Variants in MGAM observed in about 807,000 individuals in gnomAD.
The protein encoded by MGAM is maltase-glucoamylase, also known as alpha-1,4-glucosidase.
Under a neutral mutation model 358.8 loss-of-function variants are expected in MGAM, and 253 were observed. The ratio of observed to expected loss-of-function variants is 0.71; its 90% CI spans 0.64 to 0.78. The LOEUF is 0.78. MGAM is among the 30% of genes least tolerant of loss of function. MGAM has a pLI of 0.00. For missense variants in MGAM, 3,080 were observed against 3,432.6 expected (o/e 0.90, Z 2.57); for synonymous variants, 1,105 against 1,227.1 (o/e 0.90, Z 2.08).
At chr7:142,042,995 T>G (rs1392937576) in intron 21 of MGAM, among the ~76,000 whole-genome samples, 1 of 92,000 alleles carries the variant, frequency 1.1e-5, no homozygotes, top group Non-Finnish European at 1.8e-5. Flanking sequence ...TATATATACA[T>G]ATAATATCTA....
At position 142,059,977 on chromosome 7, in the gene MGAM, A is replaced by G. The variant is rs770708705; in HGVS notation, c.4059+11A>G. ...ATTGTCTGGGGAAAGGTATAATCCT[A>G]AGCGATGATCCACTAGTCCCCAGCC... On this transcript the variant is annotated intron_variant, in intron 33 of 70. Transcript: ENST00000475668. 6.3e-6 allele frequency: 10 copies of G among 1,589,010 alleles called. No individual in the cohort carries two copies. The highest frequency in any genetic ancestry group is 8.6e-6 in the Non-Finnish European group (10 of 1,167,040).
At chr7:142,054,104 G>A (rs1477183011) in intron 26 of MGAM, among the ~76,000 whole-genome samples, 2 of 152,178 alleles carry the variant, frequency 1.3e-5, no homozygotes, top group Non-Finnish European at 2.9e-5. Context: ...TTTCTCCCGT[G>A]AGACCGTCTC....
intron 45 of MGAM, among the ~76,000 whole-genome samples, chr7:142,075,810 A>G (rs1193360759): frequency 6.9e-6 from 1 of 145,864 alleles, no homozygotes; most frequent in African/African-American, 2.4e-5. Context: ...TGTGGAGAAA[A>G]TAGAATTTTT....
chr7:142,062,762 A>G (rs1385157985), intron 35 of MGAM, 60 bp downstream of exon 35: 9 of 1,603,428 alleles, frequency 5.6e-6, no homozygotes, highest in African/African-American at 4.0e-5. Flanking sequence ...GTGCCTAAGT[A>G]TATGTACCAC....
At chr7:142,087,147 T>A (rs1408869414) in intron 57 of MGAM, among the ~76,000 whole-genome samples, 1 of 144,830 alleles carries the variant, frequency 6.9e-6, no homozygotes, top group East Asian at 2.1e-4. Context: ...TGTTTAGGTC[T>A]TTTTTTGGTG....
chr7:142,079,381 G>A (rs1268398786), intron 49 of MGAM, among the ~76,000 whole-genome samples: 1 of 145,500 alleles, frequency 6.9e-6, no homozygotes, highest in Non-Finnish European at 1.6e-5. Flanking sequence ...GTGCTTGATT[G>A]AAAGCAGGCG....
intron 3 of MGAM, among the ~76,000 whole-genome samples, chr7:142,012,605 A>G (rs1455664895): frequency 6.6e-6 from 1 of 152,216 alleles, no homozygotes; most frequent in African/African-American, 2.4e-5. Flanking sequence ...CTACTGAATT[A>G]CAAACTATCC....
rs1815289270 is a variant in MGAM at position 142,090,585 on chromosome 7, CT to C, written c.6811-1326del. Among the ~76,000 whole-genome samples the C allele has an allele frequency of 2.1e-5, 3 of 146,056 alleles. 1 individual carries two copies. The highest frequency in any genetic ancestry group is 4.6e-5 in the Non-Finnish European group (3 of 64,554). ...GTTTCTGTTTTCTCATGTTCCTTTTCTTGCCCTTTATGTAGACATATGGGTT... is the reference window on the plus strand; with the variant it reads ...GTTTCTGTTTTCTCATGTTCCTTTTCTGCCCTTTATGTAGACATATGGGTT... On this transcript the variant is annotated intron_variant, in intron 57 of 70. Coordinates refer to ENST00000475668, the MANE Select transcript of MGAM (RefSeq NM_001365693.1).
At chr7:141,993,576 C>T (rs1386115575), upstream of MGAM, among the ~76,000 whole-genome samples, 2 of 152,176 alleles carry the variant, frequency 1.3e-5, no homozygotes, top group Non-Finnish European at 2.9e-5. Context: ...GGAAGGTCCA[C>T]TTAGTAACAG....
At chr7:142,069,342 TGGGAAGCCAG>T (rs1466993325) in intron 43 of MGAM, among the ~76,000 whole-genome samples, 1 of 145,992 alleles carries the variant, frequency 6.8e-6, no homozygotes, top group East Asian at 2.0e-4. Flanking sequence ...AAGACTCAGC[TGGGAAGCCAG>T]GGTCTTCCCG....
Position 142,067,538 on chromosome 7 carries a change from A to G in MGAM, c.5004+113A>G, listed in dbSNP as rs544712612. 210 of 860,666 alleles carry G rather than the reference A, an allele frequency of 2.4e-4. 9 individuals are homozygous for G. In the African/African-American group the frequency reaches 3.1e-3, roughly 13 times the overall value. The allele number at this position is 860,666 out of a possible 1,614,324, so 53.3% of individuals were successfully genotyped here. On this transcript the variant is annotated intron_variant, in intron 42 of 70. Transcript: ENST00000475668. The stretch of plus-strand genomic sequence containing the variant: ...GTCCTGAGACATGGTTTCTTATTCT[A>G]CCTGTGTCTCTTCCTCTCTTTCTGA...
Position 142,036,915 on chromosome 7 carries a change from A to G in MGAM, c.2169A>G (p.Leu723=), listed in dbSNP as rs1808043309. ...TCCGCTATACTCTATTGCCCTACCT[A>G]TACACCCTCTTCTTCCGTGCTCACA... is the stretch of plus-strand genomic sequence containing the variant. ...LNIRYTLLPY[L]YTLFFRAHSR... Residue 723 remains leucine, a synonymous_variant, in exon 18 of 71, where the codon CTA becomes CTG. Transcript: ENST00000475668. The G allele has an allele frequency of 1.9e-6, 3 of 1,613,432 alleles. No homozygotes were observed. Among genetic ancestry groups the G allele is most frequent in the Non-Finnish European group, 2.5e-6 (3 of 1,179,672 alleles).
At chr7:142,040,927 G>A in intron 21 of MGAM, 81 bp downstream of exon 21, 1 of 1,487,188 alleles carries the variant, frequency 6.7e-7, no homozygotes, top group South Asian at 1.4e-5. Context: ...CACACTAACA[G>A]CCAGGTGGTC....
intron 3 of MGAM, among the ~76,000 whole-genome samples, chr7:142,014,208 A>G (rs970861636): frequency 5.3e-5 from 8 of 152,206 alleles, no homozygotes; most frequent in African/African-American, 1.9e-4. Context: ...TGTTTGACAC[A>G]ATGTGCAAAG....
chr7:141,997,939 A>G (rs192969857), intron 1 of MGAM, among the ~76,000 whole-genome samples: 4 of 152,190 alleles, frequency 2.6e-5, no homozygotes, highest in Admixed American at 1.3e-4. Flanking sequence ...TCTATCCACA[A>G]TGAATCCTCT....
intron 2 of MGAM, among the ~76,000 whole-genome samples, chr7:141,986,718 G>A (rs1257082739): frequency 2.6e-5 from 4 of 152,062 alleles, no homozygotes; most frequent in Admixed American, 6.6e-5. Flanking sequence ...ATATTATACT[G>A]CCACAATTTT....
At chr7:142,104,716 C>G (rs1362582965) in intron 70 of MGAM, among the ~76,000 whole-genome samples, 1 of 152,120 alleles carries the variant, frequency 6.6e-6, no homozygotes, top group African/African-American at 2.4e-5. Flanking sequence ...TGCTGCTTGG[C>G]TCACAGTAAT....
Position 142,097,609 on chromosome 7 carries a change from C to G in MGAM, c.7709C>G (p.Thr2570Ser). 6.2e-7 allele frequency: 1 copy of G among 1,612,970 alleles called. No homozygotes were observed. The highest frequency in any genetic ancestry group is 8.5e-7 in the Non-Finnish European group (1 of 1,179,028). Residue 2570 changes from threonine (T) to serine (S), a missense_variant, in exon 66 of 71, where the codon ACT (threonine) becomes AGT (serine). Thr to Ser is a moderately conservative substitution (Grantham distance 58). This residue lies in a region of MGAM where 932 missense variants were observed against 1,198.2 expected (regional missense o/e 0.78). Coordinates refer to ENST00000475668, the MANE Select transcript of MGAM (RefSeq NM_001365693.1). ...PVLERNARNV[T>S]AYFPRARWYD... The stretch of plus-strand genomic sequence containing the variant: ...TCATTTTAGAATGCCAGAAATGTCA[C>G]TGCATATTTCCCTAGAGCCCGCTGG...
Position 142,082,378 on chromosome 7 carries a change from A to AAAACT in MGAM, c.6172-95_6172-91dup. The AAAACT allele has an allele frequency of 3.1e-6, 4 of 1,282,778 alleles. 1 individual carries two copies. The South Asian group carries it at 5.2e-5, about 17-fold the overall frequency. The allele number at this position is 1,282,778 out of a possible 1,614,324, so 79.5% of individuals were successfully genotyped here. On this transcript the variant is annotated intron_variant, in intron 51 of 70. Coordinates refer to ENST00000475668, the MANE Select transcript of MGAM (RefSeq NM_001365693.1). ...CATGTGTTTAATTGATTTCATGGAG[A>AAAACT]AAACTAGACCCATCTTAGCAAGCAT...
Sources: allele counts gnomAD v4.1 joint callset (sites outside exome capture counted in the v4.1 genomes callset), GRCh38; gene constraint gnomAD v4.1.1; regional missense constraint gnomAD v4.1.1; transcripts MANE v1.5; gene names NCBI Gene and HGNC (gene_info 2026-07-23, HGNC 2026-07-21).